The following NRXN2 variants were observed in gnomAD, a reference collection of about 807,000 sequenced individuals.
The protein encoded by NRXN2 is neurexin 2.
Under a neutral mutation model 128.8 loss-of-function variants are expected in NRXN2, and 29 were observed. The observed-to-expected ratio is 0.23, with a 90% confidence interval of 0.17 to 0.31. The LOEUF (loss-of-function observed/expected upper bound fraction) is 0.31, where lower values mean the gene tolerates loss of function less well. Among genes scored for constraint, NRXN2 ranks in the 10% least tolerant of loss-of-function variants. The pLI, the probability that NRXN2 is intolerant of heterozygous loss-of-function variation, is 1.00. For synonymous variants in NRXN2, 1,098 were observed against 1,075.2 expected (o/e 1.02, Z -0.41); for missense variants, 1,881 against 2,452.6 (o/e 0.77, Z 4.92).
Position 64,632,813 on chromosome 11 carries a change from C to T in NRXN2, c.3586-2240G>A, listed in dbSNP as rs908165903. Among the ~76,000 whole-genome samples, 1 of 152,250 alleles carries T rather than the reference C, an allele frequency of 6.6e-6. No homozygotes were observed. The highest frequency in any genetic ancestry group is 6.5e-5 in the Admixed American group (1 of 15,288). On this transcript the variant is annotated intron_variant, in intron 18 of 22. Coordinates refer to ENST00000265459, the MANE Select transcript of NRXN2 (RefSeq NM_015080.4). This position sits in a 1 kb window ranked among gnomAD's most constrained non-coding sequence, Gnocchi z 4.2. ...GGCGGCGGTGGGGAGAACGAAGCCG[C>T]TCCTACAGCAAATAATTATGGGAGT...
chr11:64,681,843 C>G (rs1388075454), intron 6 of NRXN2, among the ~76,000 whole-genome samples: 2 of 152,208 alleles, frequency 1.3e-5, no homozygotes, highest in Non-Finnish European at 2.9e-5. Context: ...CACAGCAGAC[C>G]CTGAGACAGG....
chr11:64,712,203 G>A (rs1432853554), intron 2 of NRXN2, among the ~76,000 whole-genome samples: 6 of 138,688 alleles, frequency 4.3e-5, no homozygotes, highest in Non-Finnish European at 9.2e-5. Flanking sequence ...CCCGCCCCCT[G>A]TCTCACAGGC....
chr11:64,642,511 G>A, intron 17 of NRXN2: 1 of 1,598,934 alleles, frequency 6.3e-7, no homozygotes, highest in Non-Finnish European at 8.5e-7. Context: ...GGGCCAACCG[G>A]GTGGCCGGCA....
chr11:64,685,077 C>T lies in NRXN2; in HGVS notation c.1152+569G>A, dbSNP rs548918566. Among the ~76,000 whole-genome samples, 15 of 152,316 alleles carry T rather than the reference C, an allele frequency of 9.8e-5. No individual in the cohort carries two copies. In the South Asian group the frequency reaches 2.3e-3, roughly 23 times the overall value. ...TCTCTGTCACCTACCTACTATGCCA[C>T]CACCTCACTGGCTCCATCTCTGCCT... On this transcript the variant is annotated intron_variant, in intron 6 of 22. Transcript: ENST00000265459.
chr11:64,640,643 TGA>T (rs1398867158), intron 17 of NRXN2, among the ~76,000 whole-genome samples: 3 of 152,000 alleles, frequency 2.0e-5, no homozygotes, highest in African/African-American at 4.8e-5. Context: ...GAGTGTTGCC[TGA>T]GAGGAGCCAG....
intron 22 of NRXN2, among the ~76,000 whole-genome samples, chr11:64,608,494 C>CTTTTTTTTTTTT (rs58638827): frequency 1.7e-4 from 19 of 111,172 alleles, no homozygotes; most frequent in Admixed American, 2.8e-4. Flanking sequence ...TCTTTTTTTG[C>CTTTTTTTTTTTT]TTTTTTTTTT....
chr11:64,700,309 C>A (rs2055156308), intron 2 of NRXN2, among the ~76,000 whole-genome samples: 1 of 152,184 alleles, frequency 6.6e-6, no homozygotes, highest in Non-Finnish European at 1.5e-5. Flanking sequence ...TAAACTCCAC[C>A]ACTGAAGCCA....
intron 9 of NRXN2, chr11:64,661,409 C>A: frequency 1.4e-5 from 19 of 1,375,746 alleles, no homozygotes; most frequent in Non-Finnish European, 1.8e-5. Flanking sequence ...CCCCTCCTCC[C>A]CACCTCAGCA....
chr11:64,656,287 G>A (rs558066268), intron 11 of NRXN2, among the ~76,000 whole-genome samples: 10 of 152,276 alleles, frequency 6.6e-5, no homozygotes, highest in African/African-American at 2.2e-4. Context: ...CATGGCCCCA[G>A]GGATTAAAGG....
chr11:64,699,081 C>G (rs902443294), intron 2 of NRXN2, among the ~76,000 whole-genome samples: 1 of 152,210 alleles, frequency 6.6e-6, no homozygotes, highest in Non-Finnish European at 1.5e-5. Context: ...GATATCTGTT[C>G]ATTCGCTCAT....
intron 22 of NRXN2, among the ~76,000 whole-genome samples, chr11:64,613,907 G>C (rs752851585): frequency 1.3e-5 from 2 of 152,156 alleles, no homozygotes; most frequent in Non-Finnish European, 2.9e-5. Flanking sequence ...AGAACCTGGA[G>C]GGTAGGCACT....
At position 64,660,875 on chromosome 11, in the gene NRXN2, C is replaced by T. The variant is rs759543330; in HGVS notation, c.2063G>A (p.Arg688Gln). The part of the protein sequence containing the change: ...GAVGVAPFCS[R>Q]ETLKQCASAP... The stretch of plus-strand genomic sequence containing the variant: ...AGATGCACACTGCTTCAGCGTCTCC[C>T]GGGAGCAAAAGGGGGCAACGCCCAC... Residue 688 changes from arginine (R) to glutamine (Q), a missense_variant, in exon 10 of 23, where the codon CGG (arginine) becomes CAG (glutamine). By Grantham distance (43) the Arg-to-Gln change is conservative. This residue lies in a region of NRXN2 where 997 missense variants were observed against 1,240.8 expected (regional missense o/e 0.80). Coordinates refer to ENST00000265459, the MANE Select transcript of NRXN2 (RefSeq NM_015080.4). The surrounding 1 kb of genome is among the most constrained non-coding windows in gnomAD (Gnocchi z 5.2). 3.3e-5 allele frequency: 54 copies of T among 1,613,584 alleles called. 1 individual carries two copies. In the Middle Eastern group the frequency reaches 4.9e-4, roughly 15 times the overall value.
In NRXN2 at chr11:64,661,481, T is replaced by C. The variant is rs1220239729; in HGVS notation, c.1799-342A>G. ...AATCTTGAGCTCGGAAAGGGTTGGATCATTCACTGGGTCATTCCTGCCAGC... is the reference window on the plus strand; with the variant it reads ...AATCTTGAGCTCGGAAAGGGTTGGACCATTCACTGGGTCATTCCTGCCAGC... On this transcript the variant is annotated intron_variant, in intron 9 of 22. Coordinates refer to ENST00000265459, the MANE Select transcript of NRXN2 (RefSeq NM_015080.4). 2.9e-6 allele frequency: 3 copies of C among 1,023,940 alleles called. No homozygotes were observed. The East Asian group carries it at 1.4e-4, about 49-fold the overall frequency. The allele number at this position is 1,023,940 out of a possible 1,614,324, so 63.4% of individuals were successfully genotyped here. A position where few individuals can be genotyped will look rare whatever the true frequency, so the allele number is the denominator to read the frequency against.
chr11:64,697,888 A>AT (rs2054788124), intron 2 of NRXN2, 96 bp from the exon 3 acceptor site: 1 of 1,462,920 alleles, frequency 6.8e-7, no homozygotes, highest in African/African-American at 1.4e-5. Flanking sequence ...CCAAGGGGAG[A>AT]GAGGAGTCCA....
chr11:64,711,547 C>G (rs996175657), intron 2 of NRXN2, among the ~76,000 whole-genome samples: 1 of 152,070 alleles, frequency 6.6e-6, no homozygotes, highest in African/African-American at 2.4e-5. Flanking sequence ...CCCGCCCGCA[C>G]TTCACCACTT....
Position 64,667,325 on chromosome 11 carries a change from T to G in NRXN2, c.1723A>C (p.Lys575Gln). Residue 575 changes from lysine to glutamine, a missense_variant, in exon 9 of 23, where the codon AAG becomes CAG. Lys to Gln is a moderately conservative substitution (Grantham distance 53, BLOSUM62 1). This residue lies in a region of NRXN2 where 997 missense variants were observed against 1,240.8 expected (regional missense o/e 0.80). Transcript: ENST00000265459. The surrounding 1 kb of genome is among the most constrained non-coding windows in gnomAD (Gnocchi z 5.6). Reference sequence around the variant, plus strand: ...ACCTTGCGGCTGGATGCCCGCAGCTTGATGCCCCCAGATCCCATGTCCAGC... The same window carrying G: ...ACCTTGCGGCTGGATGCCCGCAGCTGGATGCCCCCAGATCCCATGTCCAGC... Reference protein sequence around the residue: ...LLLDMGSGGIKLRASSRKVND... With the variant: ...LLLDMGSGGIQLRASSRKVND... 1 of 1,614,190 alleles carries G rather than the reference T, an allele frequency of 6.2e-7. No individual in the cohort carries two copies. The highest frequency in any genetic ancestry group is 8.5e-7 in the Non-Finnish European group (1 of 1,180,042).
chr11:64,713,111 G>A lies in NRXN2; in HGVS notation c.589C>T (p.Leu197=). ...RPPALLGSQG[L]RGATADPLCA... ...AGCGGGTCGGCGGTGGCGCCGCGCA[G>A]GCCCTGGCTGCCCAGCAGCGCGGGG... is the stretch of plus-strand genomic sequence containing the variant. Residue 197 remains leucine, a synonymous_variant, in exon 2 of 23, where the codon CTG becomes TTG. Transcript: ENST00000265459. The A allele has an allele frequency of 7.2e-7, 1 of 1,397,880 alleles. No individual in the cohort carries two copies. Among genetic ancestry groups the A allele is most frequent in the African/African-American group, 1.5e-5 (1 of 66,632 alleles). The allele number at this position is 1,397,880 out of a possible 1,614,324, so 86.6% of individuals were successfully genotyped here.
chr11:64,713,795 G>T lies in NRXN2; in HGVS notation c.-96C>A. ...CGGGAGGGGGCCGGGCGCTCCCCGCGCTGAGCGGGGCTCCCTTGCAGGCTC... is the reference window on the plus strand; with the variant it reads ...CGGGAGGGGGCCGGGCGCTCCCCGCTCTGAGCGGGGCTCCCTTGCAGGCTC... On this transcript the variant is annotated 5_prime_UTR_variant, in exon 2 of 23. Transcript: ENST00000265459. 3.0e-6 allele frequency: 2 copies of T among 667,374 alleles called. No homozygotes were observed. The highest frequency in any genetic ancestry group is 1.9e-6 in the Non-Finnish European group (1 of 535,314). The allele number at this position is 667,374 out of a possible 1,614,324, so 41.3% of individuals were successfully genotyped here.
At position 64,681,564 on chromosome 11, in the gene NRXN2, T is replaced by C. The variant is rs138355447; in HGVS notation, c.1152+4082A>G. Among the ~76,000 whole-genome samples the C allele has an allele frequency of 2.8e-3, 431 of 152,344 alleles. 2 individuals are homozygous for C. The highest frequency in any genetic ancestry group is 9.4e-3 in the African/African-American group (390 of 41,584). On this transcript the variant is annotated intron_variant, in intron 6 of 22. Transcript: ENST00000265459. Reference sequence around the variant, plus strand: ...TACAACTAATTCGTGCCAGGCACTGTGTTGAGTGTTTTAAGGCAATACCCC... The same window carrying C: ...TACAACTAATTCGTGCCAGGCACTGCGTTGAGTGTTTTAAGGCAATACCCC...
Sources: gnomAD v4.1 joint callset for allele counts (sites outside exome capture counted in the v4.1 genomes callset) on GRCh38, gnomAD v4.1.1 for gene constraint, gnomAD v4.1.1 regional missense constraint, Gnocchi (gnomAD v3.1) non-coding constraint, MANE v1.5 for transcripts, NCBI Gene and HGNC (gene_info 2026-07-23, HGNC 2026-07-21) for gene names.